The following HS6ST3 variants were observed in gnomAD, a reference collection of about 807,000 sequenced individuals.
HS6ST3 encodes heparan-sulfate 6-O-sulfotransferase 3.
In HS6ST3, 12 loss-of-function variants were observed where a neutral mutation model predicts 36.7. That is an observed-to-expected ratio of 0.33 (90% CI 0.21 to 0.53). The LOEUF (loss-of-function observed/expected upper bound fraction) is 0.53, where lower values mean the gene tolerates loss of function less well. Ranked by LOEUF, HS6ST3 falls within the 20% of genes least tolerant of loss-of-function variation. HS6ST3 has a pLI of 0.95. For missense variants in HS6ST3, 584 were observed against 640.9 expected (o/e 0.91, Z 0.96); for synonymous variants, 240 against 257.5 (o/e 0.93, Z 0.65).
At chr13:96,757,122 C>A (rs1876850318) in intron 1 of HS6ST3, among the ~76,000 whole-genome samples, 1 of 152,158 alleles carries the variant, frequency 6.6e-6, no homozygotes, top group Non-Finnish European at 1.5e-5. Context: ...TTCATATAAT[C>A]TTGCTTCTTT....
chr13:96,501,286 G>A (rs1566379389), intron 1 of HS6ST3, among the ~76,000 whole-genome samples: 1 of 152,104 alleles, frequency 6.6e-6, no homozygotes, highest in African/African-American at 2.4e-5. Flanking sequence ...CATAAAATTG[G>A]GTTCTAAATA....
chr13:96,456,726 A>G (rs1594784276), intron 1 of HS6ST3, among the ~76,000 whole-genome samples: 2 of 152,084 alleles, frequency 1.3e-5, no homozygotes, highest in Non-Finnish European at 2.9e-5. Flanking sequence ...TTCTTGCTCT[A>G]ATCTTCTTTT....
chr13:96,670,620 G>A (rs371904129), intron 1 of HS6ST3, among the ~76,000 whole-genome samples: 10 of 152,226 alleles, frequency 6.6e-5, no homozygotes, highest in African/African-American at 2.2e-4. Flanking sequence ...TTCATCTATG[G>A]TTATTGGTTG....
intron 1 of HS6ST3, among the ~76,000 whole-genome samples, chr13:96,246,618 G>C (rs1013898768): frequency 6.6e-6 from 1 of 152,172 alleles, no homozygotes; most frequent in Non-Finnish European, 1.5e-5. Flanking sequence ...TGCCCTGGTA[G>C]CTTCTCTAAA....
intron 1 of HS6ST3, among the ~76,000 whole-genome samples, chr13:96,560,960 C>T (rs1274667181): frequency 3.3e-5 from 5 of 152,130 alleles, no homozygotes; most frequent in African/African-American, 1.2e-4. Flanking sequence ...AATGGCTATA[C>T]TGTCCAAAGC....
At chr13:96,448,731 T>TAACA (rs2055711676) in intron 1 of HS6ST3, among the ~76,000 whole-genome samples, 1 of 152,060 alleles carries the variant, frequency 6.6e-6, no homozygotes, top group African/African-American at 2.4e-5. Context: ...CCCTCCTACC[T>TAACA]AATGTCTCTC....
At chr13:96,590,479 A>G (rs1475975182) in intron 1 of HS6ST3, among the ~76,000 whole-genome samples, 1 of 151,500 alleles carries the variant, frequency 6.6e-6, no homozygotes, top group African/African-American at 2.4e-5. Context: ...TTCCATTTGT[A>G]TGTCTTCTTT....
intron 1 of HS6ST3, among the ~76,000 whole-genome samples, chr13:96,807,990 T>C (rs1878237195): frequency 1.3e-5 from 2 of 152,202 alleles, no homozygotes. Context: ...ATCAGATGAC[T>C]GACTTCCAAA....
intron 1 of HS6ST3, among the ~76,000 whole-genome samples, chr13:96,276,424 A>G (rs781247914): frequency 3.3e-5 from 5 of 152,152 alleles, no homozygotes; most frequent in Non-Finnish European, 7.3e-5. Context: ...GCAAGTCCCC[A>G]AACCTGACTG....
chr13:96,192,628 T>G (rs938139636), intron 1 of HS6ST3, among the ~76,000 whole-genome samples: 1 of 151,766 alleles, frequency 6.6e-6, no homozygotes, highest in Admixed American at 6.6e-5. Flanking sequence ...ATATCACATT[T>G]TCTTTATCCA....
rs61967996 is a variant in HS6ST3, at chr13:96,122,137, C to T, written c.707+30568C>T. On this transcript the variant is annotated intron_variant, in intron 1 of 1. Coordinates refer to ENST00000376705, the MANE Select transcript of HS6ST3 (RefSeq NM_153456.4). ...ATTATTATTATTATTATTATTATTA[C>T]TATTATTATTATTTGCTATTTTACA... Among the ~76,000 whole-genome samples, 21 of 25,532 alleles carry T rather than the reference C, an allele frequency of 8.2e-4. No individual in the cohort carries two copies. The South Asian group carries it at 8.3e-3, about 10-fold the overall frequency. The allele number at this position is 25,532 out of a possible 152,430, so 16.7% of individuals were successfully genotyped here.
At chr13:96,204,715 G>A (rs974071465) in intron 1 of HS6ST3, among the ~76,000 whole-genome samples, 3 of 152,136 alleles carry the variant, frequency 2.0e-5, no homozygotes, top group Non-Finnish European at 4.4e-5. Flanking sequence ...CAACTACATG[G>A]AAATGGAATA....
intron 1 of HS6ST3, among the ~76,000 whole-genome samples, chr13:96,506,739 G>T (rs2056028174): frequency 6.6e-6 from 1 of 152,094 alleles, no homozygotes; most frequent in South Asian, 2.1e-4. Flanking sequence ...TCCATATGCT[G>T]GCATTATGGT....
In HS6ST3 at chr13:96,103,566, G is replaced by GT. The variant is rs145801773; in HGVS notation, c.707+12004dup. Among the ~76,000 whole-genome samples the GT allele has an allele frequency of 4.0e-3, 606 of 152,206 alleles. 5 individuals are homozygous for GT. Among genetic ancestry groups the GT allele is most frequent in the East Asian group, 0.021 (109 of 5,180 alleles). ...GATAAGAATGTGTGCCCTATATCCT[G>GT]TTTTTTTGGAGTTGTGGGGTGAGAA... On this transcript the variant is annotated intron_variant, in intron 1 of 1. Transcript: ENST00000376705.
chr13:96,735,631 T>C (rs1178686660), intron 1 of HS6ST3, among the ~76,000 whole-genome samples: 1 of 152,222 alleles, frequency 6.6e-6, no homozygotes, highest in Admixed American at 6.5e-5. Context: ...CTACCTTTCC[T>C]CGTATTTCCT....
chr13:96,526,652 G>A (rs140572086), intron 1 of HS6ST3, among the ~76,000 whole-genome samples: 3 of 152,144 alleles, frequency 2.0e-5, no homozygotes, highest in Admixed American at 1.3e-4. Context: ...CAAAACTTAG[G>A]GTATTAAGTT....
intron 1 of HS6ST3, among the ~76,000 whole-genome samples, chr13:96,261,640 C>G (rs573663075): frequency 6.6e-6 from 1 of 152,274 alleles, no homozygotes; most frequent in Non-Finnish European, 1.5e-5. Context: ...ATGAGTCACT[C>G]AATCTGTTTA....
chr13:96,666,053 G>C (rs962926152), intron 1 of HS6ST3, among the ~76,000 whole-genome samples: 1 of 152,120 alleles, frequency 6.6e-6, no homozygotes, highest in African/African-American at 2.4e-5. Context: ...AAGGAAAAAG[G>C]TTTAATTGAC....
chr13:96,608,885 G>A (rs1264314751), intron 1 of HS6ST3, among the ~76,000 whole-genome samples: 1 of 152,076 alleles, frequency 6.6e-6, no homozygotes, highest in Non-Finnish European at 1.5e-5. Flanking sequence ...GGTATCACTG[G>A]TAATAATTCA....
Sources: gnomAD v4.1 joint callset for allele counts (sites outside exome capture counted in the v4.1 genomes callset) on GRCh38, gnomAD v4.1.1 for gene constraint, MANE v1.5 for transcripts, NCBI Gene and HGNC (gene_info 2026-07-23, HGNC 2026-07-21) for gene names.